The following RABGAP1L variants were observed in gnomAD, a reference collection of about 807,000 sequenced individuals.
RABGAP1L encodes rab GTPase-activating protein 1-like.
A neutral mutation model predicts 137.7 loss-of-function variants in RABGAP1L; 63 were observed. The observed-to-expected ratio is 0.46, with a 90% CI of 0.37 to 0.56. The LOEUF (loss-of-function observed/expected upper bound fraction) is 0.56. Ranked by LOEUF, RABGAP1L falls within the 20% of genes least tolerant of loss-of-function variation. RABGAP1L has a pLI of 0.00. For synonymous variants in RABGAP1L, 431 were observed against 433.7 expected (o/e 0.99, Z 0.08); for missense variants, 1,095 against 1,244.0 (o/e 0.88, Z 1.80).
At chr1:174,912,520 AG>A (rs1469763285) in intron 19 of RABGAP1L, among the ~76,000 whole-genome samples, 1 of 152,218 alleles carries the variant, frequency 6.6e-6, no homozygotes, top group Non-Finnish European at 1.5e-5. Flanking sequence ...TAAAAAGCAA[AG>A]TATAACCATG....
chr1:174,634,973 T>G (rs1239547208), intron 13 of RABGAP1L, among the ~76,000 whole-genome samples: 35 of 149,686 alleles, frequency 2.3e-4, no homozygotes, highest in African/African-American at 7.9e-4. Context: ...GCATGGCACA[T>G]GTATACATAT....
At position 174,990,194 on chromosome 1, in the gene RABGAP1L, A is replaced by G. The variant is rs1016612924; in HGVS notation, c.*193A>G. The stretch of plus-strand genomic sequence containing the variant: ...TAAACTGACCTGTTCTATGTTGAAT[A>G]CCTATTTTCCAGCTTCTGGAAGGCC... On this transcript the variant is annotated 3_prime_UTR_variant, in exon 26 of 26. Transcript: ENST00000681986. 5.4e-5 allele frequency: 33 copies of G among 608,806 alleles called. No homozygotes were observed. Among genetic ancestry groups the G allele is most frequent in the Non-Finnish European group, 6.9e-5 (27 of 388,572 alleles). 37.7% of individuals were successfully genotyped at this position (608,806 alleles called of 1,614,324 possible). A position where few individuals can be genotyped will look rare whatever the true frequency, so the allele number is the denominator to read the frequency against.
At chr1:174,619,610 G>A (rs1672249118) in intron 13 of RABGAP1L, among the ~76,000 whole-genome samples, 1 of 152,124 alleles carries the variant, frequency 6.6e-6, no homozygotes, top group African/African-American at 2.4e-5. Flanking sequence ...GTCACCACCA[G>A]GCCTGCCCTA....
intron 4 of RABGAP1L, among the ~76,000 whole-genome samples, chr1:174,237,032 T>C (rs1420510608): frequency 7.3e-6 from 1 of 136,702 alleles, no homozygotes; most frequent in African/African-American, 2.8e-5. Context: ...AATGGCCTTC[T>C]TTGTCTCTTT....
chr1:174,731,517 A>T (rs771553490), intron 17 of RABGAP1L, among the ~76,000 whole-genome samples: 5 of 152,052 alleles, frequency 3.3e-5, no homozygotes, highest in Non-Finnish European at 5.9e-5. Context: ...CTTTTGAGGT[A>T]TTTTTTTTCT....
chr1:174,948,402 G>T (rs1040885362), intron 19 of RABGAP1L, among the ~76,000 whole-genome samples: 1 of 148,950 alleles, frequency 6.7e-6, no homozygotes, highest in African/African-American at 2.5e-5. Context: ...GGTGCTTGTA[G>T]TCCCAGCTAC....
intron 19 of RABGAP1L, among the ~76,000 whole-genome samples, chr1:174,898,868 A>T (rs989779560): frequency 3.3e-5 from 5 of 152,242 alleles, no homozygotes; most frequent in African/African-American, 1.2e-4. Flanking sequence ...AGCAAATGCC[A>T]TTCCTGCCTT....
chr1:174,694,339 A>T (rs1429818260), intron 15 of RABGAP1L, among the ~76,000 whole-genome samples: 14 of 134,954 alleles, frequency 1.0e-4, no homozygotes, highest in Non-Finnish European at 1.8e-4. Flanking sequence ...CCCAATGCTA[A>T]CCCTCCCCCC....
At chr1:174,724,494 G>A (rs2148601661) in intron 17 of RABGAP1L, among the ~76,000 whole-genome samples, 1 of 152,312 alleles carries the variant, frequency 6.6e-6, no homozygotes, top group East Asian at 1.9e-4. Context: ...AAATTGTTTT[G>A]AAGTGAGGCT....
At chr1:174,734,479 A>T (rs1043500292) in intron 17 of RABGAP1L, among the ~76,000 whole-genome samples, 1 of 152,184 alleles carries the variant, frequency 6.6e-6, no homozygotes, top group African/African-American at 2.4e-5. Flanking sequence ...CCTGTTCTAA[A>T]CAGGCCTGGA....
chr1:174,577,531 G>C (rs1218640255), intron 13 of RABGAP1L, among the ~76,000 whole-genome samples: 1 of 151,992 alleles, frequency 6.6e-6, no homozygotes, highest in African/African-American at 2.4e-5. Context: ...ATCCAGCAGA[G>C]GATTCTATGA....
intron 13 of RABGAP1L, among the ~76,000 whole-genome samples, chr1:174,477,224 G>A (rs1267817228): frequency 1.3e-5 from 2 of 152,162 alleles, no homozygotes. Flanking sequence ...TAATCTATAT[G>A]TTTAAATGGC....
chr1:174,390,811 G>A (rs1441729312), intron 12 of RABGAP1L, among the ~76,000 whole-genome samples: 4 of 152,120 alleles, frequency 2.6e-5, no homozygotes, highest in Non-Finnish European at 5.9e-5. Context: ...TTTCTGAGGT[G>A]GAATACCCTG....
chr1:174,185,083 G>A (rs1666699355), intron 1 of RABGAP1L, among the ~76,000 whole-genome samples: 1 of 152,192 alleles, frequency 6.6e-6, no homozygotes, highest in East Asian at 1.9e-4. Context: ...ACCTCTTTGG[G>A]TTATAGATTT....
chr1:174,361,580 A>G (rs1373177721), intron 11 of RABGAP1L, among the ~76,000 whole-genome samples: 4 of 151,920 alleles, frequency 2.6e-5, no homozygotes, highest in Non-Finnish European at 5.9e-5. Flanking sequence ...TCCTTTTTAA[A>G]TTGTTCACTG....
At chr1:174,668,008 G>A (rs1294175411) in intron 14 of RABGAP1L, among the ~76,000 whole-genome samples, 2 of 152,180 alleles carry the variant, frequency 1.3e-5, no homozygotes, top group Non-Finnish European at 2.9e-5. Flanking sequence ...AGAGCAGGAG[G>A]AGGGACTGGG....
intron 18 of RABGAP1L, chr1:174,756,782 G>A: frequency 2.1e-6 from 1 of 465,804 alleles, no homozygotes; most frequent in Non-Finnish European, 4.3e-6. Flanking sequence ...GTTGAGGACA[G>A]GGGAGGAGTC....
intron 13 of RABGAP1L, among the ~76,000 whole-genome samples, chr1:174,437,289 C>T (rs527756858): frequency 7.9e-5 from 12 of 152,048 alleles, no homozygotes; most frequent in South Asian, 2.1e-4. Flanking sequence ...GGAGGAAGTT[C>T]GAACCAATGG....
chr1:174,791,820 C>CAGTT (rs1687881450), intron 18 of RABGAP1L, among the ~76,000 whole-genome samples: 1 of 152,146 alleles, frequency 6.6e-6, no homozygotes, highest in South Asian at 2.1e-4. Flanking sequence ...AAGTGCTTAT[C>CAGTT]AGTTAAAAAT....
Sources: allele counts gnomAD v4.1 joint callset (sites outside exome capture counted in the v4.1 genomes callset), GRCh38; gene constraint gnomAD v4.1.1; transcripts MANE v1.5; gene names NCBI Gene and HGNC (gene_info 2026-07-23, HGNC 2026-07-21).